The following ABCA3 variants were observed in gnomAD, a reference collection of about 807,000 sequenced individuals.
The protein encoded by ABCA3 is phospholipid-transporting ATPase ABCA3.
ABCA3 carries 88 observed loss-of-function variants against 172.8 expected under a neutral mutation model. The ratio of observed to expected loss-of-function variants is 0.51; its 90% CI spans 0.43 to 0.61. ABCA3 has a LOEUF of 0.61. Ranked by LOEUF, ABCA3 falls within the 20% of genes least tolerant of loss-of-function variation. The probability of loss-of-function intolerance (pLI) is 0.00; values close to 1 mark genes in which losing one functional copy is unlikely to be tolerated. For missense variants in ABCA3, 2,164 were observed against 2,301.0 expected, an observed-to-expected ratio of 0.94 and a Z score of 1.22; for synonymous variants, 1,066 against 983.8, an observed-to-expected ratio of 1.08 and a Z score of -1.56.
intron 1 of ABCA3, among the ~76,000 whole-genome samples, chr16:2,330,171 C>G (rs1198932015): frequency 6.6e-6 from 1 of 151,364 alleles, no homozygotes; most frequent in Non-Finnish European, 1.5e-5. Flanking sequence ...TGACGTGTGC[C>G]TGTCCCAGCT....
At chr16:2,319,969 C>G in intron 7 of ABCA3, 129 bp from the exon 8 acceptor site, 1 of 1,243,724 alleles carries the variant, frequency 8.0e-7, no homozygotes, top group East Asian at 2.5e-5. Flanking sequence ...TCAGGACCCC[C>G]GTGGCCGCTC....
At chr16:2,332,876 G>T (rs1428050816) in intron 1 of ABCA3, 20 of 540,344 alleles carry the variant, frequency 3.7e-5, no homozygotes, top group Non-Finnish European at 2.0e-5. Context: ...GCGTGAGCAG[G>T]GCTCATCGCA....
chr16:2,313,937 C>A lies in ABCA3; in HGVS notation c.1111+3346G>T, dbSNP rs565882144. Among the ~76,000 whole-genome samples, 8 of 151,432 alleles carry A rather than the reference C, an allele frequency of 5.3e-5. No individual in the cohort carries two copies. The South Asian group carries it at 1.5e-3, about 28-fold the overall frequency. On this transcript the variant is annotated intron_variant, in intron 10 of 32. Transcript: ENST00000301732. ...AACAGACGTGAAAGACTGAGAGATACCCCCTCACACCCATTAGGATGGCGA... is the reference window on the plus strand; with the variant it reads ...AACAGACGTGAAAGACTGAGAGATAACCCCTCACACCCATTAGGATGGCGA...
chr16:2,291,583 G>A (rs1175967593), intron 19 of ABCA3, among the ~76,000 whole-genome samples: 1 of 152,178 alleles, frequency 6.6e-6, no homozygotes, highest in African/African-American at 2.4e-5. Flanking sequence ...ACCCGTGGCG[G>A]GTCTAGGAGG....
At position 2,279,169 on chromosome 16, in the gene ABCA3, AG is replaced by A; in HGVS notation, c.4360-40del. The A allele has an allele frequency of 6.2e-7, 1 of 1,603,062 alleles. No individual in the cohort carries two copies. ...ATAGCCGGGGAGGGAGGCGGGTTGG[AG>A]GGAAGCCTCCTTCCTCCAGAGGACC... is the stretch of plus-strand genomic sequence containing the variant. On this transcript the variant is annotated intron_variant, in intron 28 of 32. Coordinates refer to ENST00000301732, the MANE Select transcript of ABCA3 (RefSeq NM_001089.3). The surrounding 1 kb of genome is among the most constrained non-coding windows in gnomAD (Gnocchi z 4.4).
chr16:2,294,456 C>A (rs1014931913), intron 18 of ABCA3, among the ~76,000 whole-genome samples: 2 of 151,866 alleles, frequency 1.3e-5, no homozygotes, highest in African/African-American at 2.4e-5. Context: ...GAGGCTGAGG[C>A]GGAAGGATCA....
At chr16:2,319,983 G>A (rs1676160178) in intron 7 of ABCA3, 143 bp from the exon 8 acceptor site, 1 of 999,632 alleles carries the variant, frequency 1.0e-6, no homozygotes, top group Non-Finnish European at 1.5e-6. Flanking sequence ...GCCGCTCAGT[G>A]GTCCCACGGG....
chr16:2,299,252 C>A, intron 14 of ABCA3, 151 bp downstream of exon 14: 1 of 1,171,876 alleles, frequency 8.5e-7, no homozygotes, highest in Admixed American at 2.0e-5. Flanking sequence ...CCTGCTTGTG[C>A]CCCTGGGCCT....
intron 5 of ABCA3, among the ~76,000 whole-genome samples, chr16:2,325,115 C>T (rs1175204113): frequency 7.2e-5 from 11 of 152,176 alleles, no homozygotes; most frequent in Admixed American, 6.6e-4. Flanking sequence ...GGTTTAGGAA[C>T]GGTGAGCAGC....
At chr16:2,318,523 T>C (rs1386790269) in intron 8 of ABCA3, among the ~76,000 whole-genome samples, 1 of 151,934 alleles carries the variant, frequency 6.6e-6, no homozygotes, top group East Asian at 1.9e-4. Flanking sequence ...CTTTTTCTTT[T>C]TTTTTTTTAG....
intron 1 of ABCA3, among the ~76,000 whole-genome samples, chr16:2,335,363 C>T (rs1366019031): frequency 1.3e-5 from 2 of 151,886 alleles, no homozygotes; most frequent in Non-Finnish European, 2.9e-5. Flanking sequence ...ACAGTTATCC[C>T]GGCTGGAATG....
intron 32 of ABCA3, 83 bp from the exon 33 acceptor site, chr16:2,276,888 G>T: frequency 6.4e-7 from 1 of 1,565,878 alleles, no homozygotes; most frequent in South Asian, 1.1e-5. Flanking sequence ...TGGCAATAGG[G>T]GCTGATGAGG....
chr16:2,311,854 A>G (rs2093707220), intron 10 of ABCA3, among the ~76,000 whole-genome samples: 1 of 152,052 alleles, frequency 6.6e-6, no homozygotes, highest in Non-Finnish European at 1.5e-5. Flanking sequence ...ACAGGGTTTC[A>G]CCATGTTGTC....
rs778566772 is a variant in ABCA3 at position 2,304,053 on chromosome 16, C to T, written c.1383G>A (p.Val461=). The T allele has an allele frequency of 6.1e-5, 99 of 1,614,076 alleles. No homozygotes were observed. The highest frequency in any genetic ancestry group is 7.8e-5 in the Non-Finnish European group (92 of 1,180,032). The part of the protein sequence containing the change: ...QVLGMLLLDS[V]LYGLVTWYME... ...TGTACCAGGTCACCAGGCCATAGAG[C>T]ACAGAGTCCAGCAGCAGCATCCCCA... is the stretch of plus-strand genomic sequence containing the variant. The change falls in exon 12 of 33, where the codon GTG becomes GTA. Residue 461 remains valine (V), a synonymous_variant. Coordinates refer to ENST00000301732, the MANE Select transcript of ABCA3 (RefSeq NM_001089.3).
chr16:2,298,277 C>A, intron 15 of ABCA3, 109 bp downstream of exon 15: 1 of 1,530,788 alleles, frequency 6.5e-7, no homozygotes. Context: ...AGAACCCTGG[C>A]TCCTGCCCTC....
chr16:2,293,792 C>T (rs995824260), intron 18 of ABCA3, among the ~76,000 whole-genome samples: 7 of 151,232 alleles, frequency 4.6e-5, no homozygotes, highest in East Asian at 4.0e-4. Context: ...CCACCCGCTT[C>T]GGCCTCCAAG....
intron 4 of ABCA3, 33 bp downstream of exon 4, chr16:2,326,380 C>T (rs372726384): frequency 6.8e-5 from 109 of 1,612,564 alleles, no homozygotes; most frequent in Middle Eastern, 1.7e-4. Flanking sequence ...GGGCTAGGCA[C>T]GCAGCTGACC....
chr16:2,316,551 G>A (rs1474111445), intron 10 of ABCA3, among the ~76,000 whole-genome samples: 6 of 123,714 alleles, frequency 4.8e-5, no homozygotes, highest in Middle Eastern at 5.3e-3. Context: ...GGTGGCACAC[G>A]CCTGTAATCC....
chr16:2,320,160 G>A (rs1346066544), intron 7 of ABCA3, among the ~76,000 whole-genome samples: 4 of 151,736 alleles, frequency 2.6e-5, no homozygotes, highest in East Asian at 1.9e-4. Flanking sequence ...GTGCAGTGGC[G>A]CGATCTTGGC....
Sources: allele counts gnomAD v4.1 joint callset (sites outside exome capture counted in the v4.1 genomes callset), GRCh38; gene constraint gnomAD v4.1.1; non-coding constraint Gnocchi (gnomAD v3.1); transcripts MANE v1.5; gene names NCBI Gene and HGNC (gene_info 2026-07-23, HGNC 2026-07-21).